PCDHGA10: variants seen among roughly 807,000 people sequenced by gnomAD.
The protein encoded by PCDHGA10 is protocadherin gamma-A10.
In PCDHGA10, 42 loss-of-function variants were observed where a neutral mutation model predicts 59.5. That is an observed-to-expected ratio of 0.71 (90% CI 0.55 to 0.91). The LOEUF is 0.91. Ranked by LOEUF, PCDHGA10 falls within the 40% of genes least tolerant of loss-of-function variation. The pLI is 0.00. For missense variants in PCDHGA10, 1,111 were observed against 1,198.2 expected (o/e 0.93, Z 1.07); for synonymous variants, 511 against 517.2 (o/e 0.99, Z 0.16).
At chr5:141,452,912 A>T (rs1301567203) in intron 1 of PCDHGA10, among the ~76,000 whole-genome samples, 1 of 152,228 alleles carries the variant, frequency 6.6e-6, no homozygotes, top group African/African-American at 2.4e-5. Flanking sequence ...GGCATTATAC[A>T]GTAAGAAAGA....
At chr5:141,469,425 C>T (rs1035406646) in intron 1 of PCDHGA10, among the ~76,000 whole-genome samples, 1 of 151,622 alleles carries the variant, frequency 6.6e-6, no homozygotes, top group East Asian at 1.9e-4. Context: ...AAATATAAAA[C>T]TTAGCTGGGC....
At chr5:141,507,183 C>T (rs2099859036) in intron 3 of PCDHGA10, 1 of 152,428 alleles carries the variant, frequency 6.6e-6, no homozygotes, top group Non-Finnish European at 1.5e-5. Flanking sequence ...TCCTCGAGCT[C>T]TGCTTTATTC....
chr5:141,423,647 C>T (rs775169904), intron 1 of PCDHGA10: 3 of 1,589,144 alleles, frequency 1.9e-6, no homozygotes, highest in Non-Finnish European at 2.6e-6. Flanking sequence ...AAATGTGACC[C>T]GACAAGTAAT....
rs779718690 is a variant in PCDHGA10, at chr5:141,421,727, C to G, written c.2436+6116C>G. ...AGGGATCCAGATGTGGGCGTGAACT[C>G]CCTCCAGAGCTACCAGCTCAGCCCT... On this transcript the variant is annotated intron_variant, in intron 1 of 3. Coordinates refer to ENST00000398610, the MANE Select transcript of PCDHGA10 (RefSeq NM_018913.3). The G allele has an allele frequency of 1.9e-6, 3 of 1,613,916 alleles. No individual in the cohort carries two copies. In the East Asian group the frequency reaches 6.7e-5, roughly 36 times the overall value.
At chr5:141,433,082 T>C in intron 1 of PCDHGA10, 1 of 1,614,188 alleles carries the variant, frequency 6.2e-7, no homozygotes. Flanking sequence ...CCAGCCCAAC[T>C]ATGCAGACAT....
Position 141,491,507 on chromosome 5 carries a change from C to G in PCDHGA10, c.2437-3300C>G, listed in dbSNP as rs755899622. The stretch of plus-strand genomic sequence containing the variant: ...AACCTGCAGGTGAGCTCGGACGGCA[C>G]GCTCAAGTACATGGAGGTGACGCTG... On this transcript the variant is annotated intron_variant, in intron 1 of 3. Coordinates refer to ENST00000398610, the MANE Select transcript of PCDHGA10 (RefSeq NM_018913.3). This position sits in a 1 kb window ranked among gnomAD's most constrained non-coding sequence, Gnocchi z 6.9. 1.5e-5 allele frequency: 24 copies of G among 1,614,038 alleles called. No individual in the cohort carries two copies. The highest frequency in any genetic ancestry group is 2.0e-5 in the Non-Finnish European group (24 of 1,180,016).
intron 1 of PCDHGA10, among the ~76,000 whole-genome samples, chr5:141,480,106 A>C (rs1466691134): frequency 6.6e-6 from 1 of 152,196 alleles, no homozygotes; most frequent in Non-Finnish European, 1.5e-5. Context: ...AGTGTTTAGC[A>C]TGGTGCCTGG....
rs376477668 is a variant in PCDHGA10, at chr5:141,415,128, G to C, written c.1953G>C (p.Gln651His). 33 of 1,613,528 alleles carry C rather than the reference G, an allele frequency of 2.0e-5. No homozygotes were observed. Among genetic ancestry groups the C allele is most frequent in the Admixed American group, 5.0e-5 (3 of 60,018 alleles). Residue 651 changes from glutamine (Q) to histidine (H), a missense_variant, in exon 1 of 4, where the codon CAG becomes CAC. Transcript: ENST00000398610. ...AGCAAAGCCTCGTAGTGGCCGTCCA[G>C]GACCACGGCCAGCCCCCTCTCTCCG... ...ALKQSLVVAVQDHGQPPLSAT... is the reference protein window; with the variant it reads ...ALKQSLVVAVHDHGQPPLSAT...
chr5:141,507,196 CCAGAT>C (rs2099859095), intron 3 of PCDHGA10: 1 of 152,374 alleles, frequency 6.6e-6, no homozygotes, highest in Non-Finnish European at 1.5e-5. Context: ...CTTTATTCTT[CCAGAT>C]CAGGGTTGCC....
chr5:141,511,428 G>T lies in PCDHGA10; in HGVS notation c.*255G>T. 1 of 769,024 alleles carries T rather than the reference G, an allele frequency of 1.3e-6. No homozygotes were observed. The highest frequency in any genetic ancestry group is 2.0e-6 in the Non-Finnish European group (1 of 504,448). 47.6% of individuals were successfully genotyped at this position (769,024 alleles called of 1,614,324 possible). ...ACTGCTGTACCCATGGGGGTAGTGG[G>T]GTTACTGTAGACACCAAGAACCATT... On this transcript the variant is annotated 3_prime_UTR_variant, in exon 4 of 4. Transcript: ENST00000398610.
chr5:141,438,595 T>TAC (rs2098000070), intron 1 of PCDHGA10, among the ~76,000 whole-genome samples: 6 of 58,022 alleles, frequency 1.0e-4, no homozygotes, highest in African/African-American at 1.8e-4. Context: ...TACATACATA[T>TAC]ATATATATAT....
At chr5:141,416,400 C>CT (rs1028319330) in intron 1 of PCDHGA10, 1 of 152,036 alleles carries the variant, frequency 6.6e-6, no homozygotes, top group African/African-American at 2.4e-5. Flanking sequence ...CTGCTTTTGT[C>CT]TTTTTTGTTA....
intron 1 of PCDHGA10, chr5:141,430,973 A>G: frequency 6.2e-7 from 1 of 1,613,266 alleles, no homozygotes; most frequent in East Asian, 2.2e-5. Flanking sequence ...CAGAGGTAGG[A>G]CGCAGCTTTT....
chr5:141,478,124 T>C (rs776469996), intron 1 of PCDHGA10: 1 of 1,613,978 alleles, frequency 6.2e-7, no homozygotes, highest in South Asian at 1.1e-5. Flanking sequence ...AACCGAGGAC[T>C]CTCCTGAAGC....
intron 1 of PCDHGA10, chr5:141,433,096 C>G: frequency 3.1e-6 from 5 of 1,614,118 alleles, no homozygotes; most frequent in Non-Finnish European, 4.2e-6. Flanking sequence ...CAGACATGCT[C>G]GTCAGCCAGG....
intron 1 of PCDHGA10, among the ~76,000 whole-genome samples, chr5:141,439,270 A>G (rs1381185021): frequency 6.6e-6 from 1 of 152,140 alleles, no homozygotes; most frequent in African/African-American, 2.4e-5. Flanking sequence ...CCAACAGTTC[A>G]TTCTGAGACT....
intron 1 of PCDHGA10, among the ~76,000 whole-genome samples, chr5:141,483,709 G>A (rs1486825412): frequency 1.3e-5 from 2 of 152,036 alleles, no homozygotes; most frequent in Non-Finnish European, 2.9e-5. Flanking sequence ...TTTGACACCA[G>A]AATATTGGTT....
At position 141,467,151 on chromosome 5, in the gene PCDHGA10, C is replaced by T. The variant is rs527879624; in HGVS notation, c.2437-27656C>T. ...CACTGCAACCTCTGCCTCCCAGGTT[C>T]AAGTGATTCTCATCTCTCAGCCTCC... is the stretch of plus-strand genomic sequence containing the variant. On this transcript the variant is annotated intron_variant, in intron 1 of 3. Transcript: ENST00000398610. Among the ~76,000 whole-genome samples the T allele has an allele frequency of 4.0e-5, 6 of 151,660 alleles. No homozygotes were observed. In the East Asian group the frequency reaches 7.8e-4, roughly 20 times the overall value.
intron 1 of PCDHGA10, 133 bp downstream of exon 1, chr5:141,415,744 T>TTTG (rs2095926305): frequency 2.5e-6 from 1 of 404,416 alleles, no homozygotes; most frequent in South Asian, 6.6e-5. Context: ...ATTAAGGTTT[T>TTTG]TTTTTTTTTT....
Sources: gnomAD v4.1 joint callset for allele counts (sites outside exome capture counted in the v4.1 genomes callset) on GRCh38, gnomAD v4.1.1 for gene constraint, Gnocchi (gnomAD v3.1) non-coding constraint, MANE v1.5 for transcripts, NCBI Gene and HGNC (gene_info 2026-07-23, HGNC 2026-07-21) for gene names.